DCC: variants seen among roughly 807,000 people sequenced by gnomAD.
DCC encodes DCC netrin 1 receptor, also known as netrin receptor DCC.
Under a neutral mutation model 172.5 loss-of-function variants are expected in DCC, and 58 were observed. The ratio of observed to expected loss-of-function variants is 0.34; its 90% CI spans 0.27 to 0.42. The LOEUF (loss-of-function observed/expected upper bound fraction) is 0.42. Ranked by LOEUF, DCC falls within the 10% of genes least tolerant of loss-of-function variation. The pLI, the probability that DCC is intolerant of heterozygous loss-of-function variation, is 1.00. For synonymous variants in DCC, 709 were observed against 644.5 expected (o/e 1.10, Z -1.52); for missense variants, 1,740 against 1,791.0 (o/e 0.97, Z 0.51).
chr18:52,966,366 G>T (rs147979009), intron 5 of DCC, among the ~76,000 whole-genome samples: 2,044 of 152,122 alleles, frequency 0.013, 61 homozygotes, highest in African/African-American at 0.047. Context: ...TTTGAATTGC[G>T]CAGGCATTCC....
intron 20 of DCC, among the ~76,000 whole-genome samples, chr18:53,413,665 TG>T (rs1275340999): frequency 6.6e-6 from 1 of 152,188 alleles, no homozygotes; most frequent in East Asian, 1.9e-4. Context: ...AGACAATGCA[TG>T]TATATGATTA....
intron 1 of DCC, among the ~76,000 whole-genome samples, chr18:52,416,183 T>A (rs1027998852): frequency 2.6e-5 from 4 of 152,232 alleles, no homozygotes; most frequent in African/African-American, 9.6e-5. Flanking sequence ...TTGAGCAGTT[T>A]TGAGTGAGTT....
At chr18:52,800,729 C>G (rs372519565) in intron 2 of DCC, among the ~76,000 whole-genome samples, 1 of 152,250 alleles carries the variant, frequency 6.6e-6, no homozygotes, top group Non-Finnish European at 1.5e-5. Flanking sequence ...ACAATTGGTT[C>G]CTGAGAGGCT....
At chr18:52,524,840 G>C (rs192315205) in intron 1 of DCC, among the ~76,000 whole-genome samples, 1 of 152,040 alleles carries the variant, frequency 6.6e-6, no homozygotes, top group African/African-American at 2.4e-5. Flanking sequence ...ATAATAGAAG[G>C]CCAAGGGTAA....
intron 13 of DCC, among the ~76,000 whole-genome samples, chr18:53,310,791 A>T (rs2057256385): frequency 6.6e-6 from 1 of 152,158 alleles, no homozygotes; most frequent in African/African-American, 2.4e-5. Flanking sequence ...TGTTGTTTGA[A>T]TAATATGCCA....
intron 12 of DCC, among the ~76,000 whole-genome samples, chr18:53,295,571 T>C (rs557447915): frequency 8.5e-5 from 13 of 152,318 alleles, no homozygotes; most frequent in African/African-American, 3.1e-4. Context: ...ACATTAAATG[T>C]TGCTATTTTG....
intron 9 of DCC, among the ~76,000 whole-genome samples, chr18:53,195,841 G>A (rs1370135888): frequency 6.6e-6 from 1 of 151,992 alleles, no homozygotes; most frequent in East Asian, 1.9e-4. Context: ...CTATATGTTT[G>A]GTTGTCCAGA....
chr18:52,594,667 C>T (rs934226285), intron 1 of DCC, among the ~76,000 whole-genome samples: 6 of 152,164 alleles, frequency 3.9e-5, no homozygotes, highest in African/African-American at 1.4e-4. Context: ...AAGTATGGTG[C>T]TGGCATCTGG....
At position 53,402,931 on chromosome 18, in the gene DCC, C is replaced by T. The variant is rs1909407795; in HGVS notation, c.2935+38C>T. 9 of 1,449,406 alleles carry T rather than the reference C, an allele frequency of 6.2e-6. No individual in the cohort carries two copies. In the East Asian group the frequency reaches 1.8e-4, roughly 29 times the overall value. 89.8% of individuals were successfully genotyped at this position (1,449,406 alleles called of 1,614,324 possible). A position where few individuals can be genotyped will look rare whatever the true frequency, so the allele number is the denominator to read the frequency against. On this transcript the variant is annotated intron_variant, in intron 19 of 28. Coordinates refer to ENST00000442544, the MANE Select transcript of DCC (RefSeq NM_005215.4). Reference sequence around the variant, plus strand: ...ACTTTCTCTCCCAGCATAGCTCTCCCTTGTCCTATAATTGCTTACCCCCTA... The same window carrying T: ...ACTTTCTCTCCCAGCATAGCTCTCCTTTGTCCTATAATTGCTTACCCCCTA...
At chr18:52,888,474 G>A (rs1409222527) in intron 2 of DCC, among the ~76,000 whole-genome samples, 1 of 152,040 alleles carries the variant, frequency 6.6e-6, no homozygotes, top group Non-Finnish European at 1.5e-5. Context: ...TTATGGACAA[G>A]TTCAAGGTTT....
chr18:53,424,174 C>T (rs1192904331), intron 21 of DCC, among the ~76,000 whole-genome samples: 1 of 152,164 alleles, frequency 6.6e-6, no homozygotes, highest in African/African-American at 2.4e-5. Flanking sequence ...TGCTGTCCTT[C>T]CTTGTTAGCA....
chr18:53,218,038 A>G (rs1035045444), intron 12 of DCC, among the ~76,000 whole-genome samples: 1 of 151,954 alleles, frequency 6.6e-6, no homozygotes, highest in East Asian at 1.9e-4. Flanking sequence ...TTTGAAAGAC[A>G]GGGTCTCATT....
intron 11 of DCC, 87 bp downstream of exon 11, chr18:53,207,904 C>A (rs2055678795): frequency 1.6e-6 from 2 of 1,277,522 alleles, no homozygotes; most frequent in Non-Finnish European, 2.3e-6. Context: ...TCATATATTC[C>A]ATTTTCAAGG....
At chr18:52,915,918 G>T (rs141809388) in intron 3 of DCC, among the ~76,000 whole-genome samples, 2 of 152,186 alleles carry the variant, frequency 1.3e-5, no homozygotes, top group East Asian at 3.9e-4. Flanking sequence ...AAGTATGGTA[G>T]ATACCTAGAA....
chr18:53,479,617 T>C (rs1184448075), intron 25 of DCC, among the ~76,000 whole-genome samples: 1 of 152,132 alleles, frequency 6.6e-6, no homozygotes, highest in Non-Finnish European at 1.5e-5. Flanking sequence ...TGGGAGGATT[T>C]TACAAGATAA....
chr18:52,623,386 C>T (rs774473389), intron 1 of DCC, among the ~76,000 whole-genome samples: 9 of 152,144 alleles, frequency 5.9e-5, no homozygotes, highest in Admixed American at 2.0e-4. Context: ...AAAACAGATG[C>T]ATTCTCTTCA....
Position 53,322,278 on chromosome 18 carries a change from C to T in DCC, c.2164+121C>T, listed in dbSNP as rs2057420409. Reference sequence around the variant, plus strand: ...GACATTGATTCTTACTATATGTTCACATGCAAAACACAACAGGGAAACATT... The same window carrying T: ...GACATTGATTCTTACTATATGTTCATATGCAAAACACAACAGGGAAACATT... On this transcript the variant is annotated intron_variant, in intron 14 of 28. Transcript: ENST00000442544. 11 of 700,706 alleles carry T rather than the reference C, an allele frequency of 1.6e-5. No individual in the cohort carries two copies. The South Asian group carries it at 1.7e-4, about 11-fold the overall frequency. 43.4% of individuals were successfully genotyped at this position (700,706 alleles called of 1,614,324 possible). A position where few individuals can be genotyped will look rare whatever the true frequency, so the allele number is the denominator to read the frequency against.
chr18:52,852,030 T>A (rs2038983030), intron 2 of DCC, among the ~76,000 whole-genome samples: 1 of 152,114 alleles, frequency 6.6e-6, no homozygotes, highest in African/African-American at 2.4e-5. Context: ...TCAAAATAGA[T>A]TTTATTTTTC....
intron 1 of DCC, among the ~76,000 whole-genome samples, chr18:52,550,734 C>G (rs372439187): frequency 2.0e-5 from 3 of 152,038 alleles, no homozygotes; most frequent in African/African-American, 7.2e-5. Flanking sequence ...GACTGTGGTA[C>G]CTCTTTCCAT....
Sources: allele counts gnomAD v4.1 joint callset (sites outside exome capture counted in the v4.1 genomes callset), GRCh38; gene constraint gnomAD v4.1.1; transcripts MANE v1.5; gene names NCBI Gene and HGNC (gene_info 2026-07-23, HGNC 2026-07-21).